Variants in PDE1C observed in about 807,000 individuals in gnomAD.
PDE1C encodes phosphodiesterase 1C.
In PDE1C, 62 loss-of-function variants were observed where a neutral mutation model predicts 93.1. That is an observed-to-expected ratio of 0.67 (90% CI 0.54 to 0.82). The LOEUF is 0.82. Among genes scored for constraint, PDE1C ranks in the 40% least tolerant of loss-of-function variants. PDE1C has a pLI of 0.00. For missense variants in PDE1C, 742 were observed against 884.6 expected (o/e 0.84, Z 2.04); for synonymous variants, 325 against 310.1 (o/e 1.05, Z -0.50).
At chr7:31,887,453 A>G (rs1464702854) in intron 2 of PDE1C, among the ~76,000 whole-genome samples, 1 of 152,194 alleles carries the variant, frequency 6.6e-6, no homozygotes, top group Non-Finnish European at 1.5e-5. Context: ...ACTGGACTCC[A>G]GTTACTTTTT....
At chr7:31,907,070 GGTGTGT>G (rs55999814) in intron 2 of PDE1C, among the ~76,000 whole-genome samples, 3 of 145,314 alleles carry the variant, frequency 2.1e-5, no homozygotes, top group South Asian at 2.2e-4. Context: ...TGATATGTGG[GGTGTGT>G]GTGTGTGTGT....
At chr7:31,709,283 C>T in the PDE1C span, among the ~76,000 whole-genome samples, 2 of 152,136 alleles carry the variant, frequency 1.3e-5, no homozygotes, top group Non-Finnish European at 2.9e-5. Context: ...CTATGTGATG[C>T]CAAGCAAGCC....
At chr7:32,212,025 CAAAA>C (rs35827566) in intron 1 of PDE1C, among the ~76,000 whole-genome samples, 2 of 81,272 alleles carry the variant, frequency 2.5e-5, no homozygotes, top group Non-Finnish European at 4.9e-5. Context: ...GAACCTATCT[CAAAA>C]AAAAAAAAAA....
intron 2 of PDE1C, among the ~76,000 whole-genome samples, chr7:32,200,641 C>T (rs1414016268): frequency 6.6e-6 from 1 of 152,222 alleles, no homozygotes; most frequent in Non-Finnish European, 1.5e-5. Context: ...ATGGGCTTTC[C>T]ACAGGGCCTC....
the PDE1C span, among the ~76,000 whole-genome samples, chr7:31,702,213 T>TA: frequency 5.9e-5 from 9 of 152,018 alleles, no homozygotes; most frequent in South Asian, 6.2e-4. Flanking sequence ...ATTTATTTTT[T>TA]TTTTTGCCTC....
rs192218209 is a variant in PDE1C, at chr7:31,955,737, C to T, written c.129-74877G>A. Among the ~76,000 whole-genome samples the T allele has an allele frequency of 1.7e-4, 26 of 152,178 alleles. 1 individual carries two copies. In the East Asian group the frequency reaches 2.5e-3, roughly 15 times the overall value. The stretch of plus-strand genomic sequence containing the variant: ...TTGAAACGTAAAAAAATTGAGGGTC[C>T]GGGAAATTAAATGATTTGCTCAGGT... On this transcript the variant is annotated intron_variant, in intron 2 of 17. Transcript: ENST00000396191.
chr7:32,153,543 C>T (rs1801388606), intron 3 of PDE1C, among the ~76,000 whole-genome samples: 1 of 152,190 alleles, frequency 6.6e-6, no homozygotes, highest in Non-Finnish European at 1.5e-5. Flanking sequence ...TGCTGCATGG[C>T]AGCAGAATGG....
At chr7:31,797,927 G>T (rs1023415959) in intron 16 of PDE1C, among the ~76,000 whole-genome samples, 1 of 151,604 alleles carries the variant, frequency 6.6e-6, no homozygotes, top group Non-Finnish European at 1.5e-5. Flanking sequence ...GCCATAGAGG[G>T]GTGCCTCTTG....
chr7:31,894,696 C>T (rs1306831324), intron 2 of PDE1C, among the ~76,000 whole-genome samples: 1 of 152,186 alleles, frequency 6.6e-6, no homozygotes, highest in Non-Finnish European at 1.5e-5. Context: ...ATTTTGACTT[C>T]TGTCACCTAA....
chr7:32,316,809 T>A (rs562242595), intron 1 of PDE1C, among the ~76,000 whole-genome samples: 3 of 152,364 alleles, frequency 2.0e-5, no homozygotes, highest in Non-Finnish European at 2.9e-5. Flanking sequence ...GTCAGGCATT[T>A]AAGTTACCAA....
At chr7:32,229,472 C>A (rs1463721857) in intron 1 of PDE1C, among the ~76,000 whole-genome samples, 2 of 152,324 alleles carry the variant, frequency 1.3e-5, no homozygotes, top group East Asian at 3.9e-4. Context: ...TGTGGGAGTA[C>A]CCTGTTGGTC....
intron 3 of PDE1C, among the ~76,000 whole-genome samples, chr7:32,099,547 A>G (rs1329076539): frequency 6.6e-6 from 1 of 152,198 alleles, no homozygotes; most frequent in Non-Finnish European, 1.5e-5. Flanking sequence ...GTCCTTGTAC[A>G]TTATACAGTT....
intron 2 of PDE1C, among the ~76,000 whole-genome samples, chr7:32,199,694 T>A (rs1354061753): frequency 6.6e-6 from 1 of 152,196 alleles, no homozygotes; most frequent in Non-Finnish European, 1.5e-5. Context: ...GAGTTTCAAC[T>A]CATTTTATAT....
At chr7:32,205,637 C>A (rs542256337) in intron 2 of PDE1C, among the ~76,000 whole-genome samples, 1 of 152,174 alleles carries the variant, frequency 6.6e-6, no homozygotes, top group Non-Finnish European at 1.5e-5. Context: ...TGCTTGTGCC[C>A]TGCAGAAGCT....
intron 2 of PDE1C, among the ~76,000 whole-genome samples, chr7:32,193,827 A>C (rs1779398956): frequency 6.6e-6 from 1 of 150,680 alleles, no homozygotes; most frequent in South Asian, 2.1e-4. Context: ...ACACTTTCTT[A>C]GTATAGAGTT....
the PDE1C span, among the ~76,000 whole-genome samples, chr7:31,738,350 T>G: frequency 3.9e-5 from 6 of 152,204 alleles, 1 homozygote; most frequent in African/African-American, 1.4e-4. Flanking sequence ...GGTAGGTGAA[T>G]GAGGAGCAAG....
the PDE1C span, among the ~76,000 whole-genome samples, chr7:31,629,053 A>G: frequency 6.6e-6 from 1 of 152,176 alleles, no homozygotes; most frequent in Admixed American, 6.5e-5. Context: ...AAACCTATCT[A>G]TTGTCTCAGG....
At chr7:32,194,477 T>C (rs972897680) in intron 2 of PDE1C, among the ~76,000 whole-genome samples, 1 of 152,236 alleles carries the variant, frequency 6.6e-6, no homozygotes, top group Non-Finnish European at 1.5e-5. Context: ...TCCAACTGTA[T>C]TGTTTGGTGC....
At chr7:32,042,090 A>G (rs1791897918) in intron 2 of PDE1C, among the ~76,000 whole-genome samples, 1 of 152,202 alleles carries the variant, frequency 6.6e-6, no homozygotes, top group Non-Finnish European at 1.5e-5. Flanking sequence ...ACTTGAGGTC[A>G]GGAGTTTGAG....
Sources: allele counts gnomAD v4.1 joint callset (sites outside exome capture counted in the v4.1 genomes callset), GRCh38; gene constraint gnomAD v4.1.1; transcripts MANE v1.5; gene names NCBI Gene and HGNC (gene_info 2026-07-23, HGNC 2026-07-21).